The following NEK5 variants were observed in gnomAD, a reference collection of about 807,000 sequenced individuals.
NEK5 encodes NIMA related kinase 5.
A neutral mutation model predicts 109.2 loss-of-function variants in NEK5; 88 were observed. That is an observed-to-expected ratio of 0.81 (90% confidence interval 0.68 to 0.96). The LOEUF (loss-of-function observed/expected upper bound fraction) is 0.96, where lower values mean the gene tolerates loss of function less well. NEK5 is among the 40% of genes least tolerant of loss of function. The probability of loss-of-function intolerance (pLI) is 0.00; values close to 1 mark genes in which losing one functional copy is unlikely to be tolerated. For synonymous variants in NEK5, 283 were observed against 299.9 expected (o/e 0.94, Z 0.58); for missense variants, 834 against 920.7 (o/e 0.91, Z 1.22).
chr13:52,069,299 A>G (rs1954746631), intron 20 of NEK5, among the ~76,000 whole-genome samples: 1 of 152,112 alleles, frequency 6.6e-6, no homozygotes. Context: ...TGATGCTGCC[A>G]ATTCCTGTGC....
chr13:52,105,001 T>A (rs1955621812), intron 8 of NEK5, among the ~76,000 whole-genome samples: 1 of 152,232 alleles, frequency 6.6e-6, no homozygotes, highest in Non-Finnish European at 1.5e-5. Context: ...TGATTCTCAA[T>A]AAACATTTAA....
chr13:52,059,723 A>G (rs1358425491), intron 22 of NEK5, among the ~76,000 whole-genome samples: 1 of 151,688 alleles, frequency 6.6e-6, no homozygotes, highest in Non-Finnish European at 1.5e-5. Context: ...CAAACACCGC[A>G]TATTCTCACT....
chr13:52,079,724 CGTCTGGGAAGTGAGGAGCGT>C (rs1954942012), intron 17 of NEK5, among the ~76,000 whole-genome samples: 1 of 149,914 alleles, frequency 6.7e-6, no homozygotes, highest in African/African-American at 2.5e-5. Flanking sequence ...GCCGCCACCC[CGTCTGGGAAGTGAGGAGCGT>C]CTCTGCCCGG....
At chr13:52,116,765 A>G (rs1000813609) in intron 4 of NEK5, among the ~76,000 whole-genome samples, 5 of 152,224 alleles carry the variant, frequency 3.3e-5, no homozygotes, top group Non-Finnish European at 7.3e-5. Flanking sequence ...GTTTGCTGAT[A>G]TATCTCCAAG....
chr13:52,101,718 G>C (rs1006616755), intron 11 of NEK5, among the ~76,000 whole-genome samples: 1 of 152,152 alleles, frequency 6.6e-6, no homozygotes, highest in Non-Finnish European at 1.5e-5. Context: ...CCTGACTAAC[G>C]AGAAGGAACC....
chr13:52,083,350 C>T lies in NEK5; in HGVS notation c.1482G>A (p.Glu494=). 1 of 1,595,704 alleles carries T rather than the reference C, an allele frequency of 6.3e-7. No homozygotes were observed. Reference sequence around the variant, plus strand: ...AGGTTTTATGACTTATTTTTGAGTTCTCCTTTAACACAAATTATACACAGT... The same window carrying T: ...AGGTTTTATGACTTATTTTTGAGTTTTCCTTTAACACAAATTATACACAGT... ...IRKKMGREPE[E]NSKISHKTYL... The change falls in exon 17 of 24, where the codon GAG becomes GAA. Residue 494 remains glutamate (E), a splice_region_variant and synonymous_variant. Transcript: ENST00000684899.
In NEK5 at chr13:52,112,325, T is replaced by C. The variant is rs1296115041; in HGVS notation, c.255A>G (p.Gly85=). Residue 85 remains glycine, a synonymous_variant, in exon 5 of 24, where the codon GGA becomes GGG. Transcript: ENST00000684899. The part of the protein sequence containing the change: ...RLFIVMEYCD[G]GDLMKRINRQ... ...TATTGATCCTTTTCATGAGATCCCC[T>C]CCATCACAATATTCCATTACAATAA... is the stretch of plus-strand genomic sequence containing the variant. 2 of 1,610,570 alleles carry C rather than the reference T, an allele frequency of 1.2e-6. No homozygotes were observed. The highest frequency in any genetic ancestry group is 1.7e-6 in the Non-Finnish European group (2 of 1,176,906).
At chr13:52,077,032 G>A (rs1954882027) in intron 17 of NEK5, among the ~76,000 whole-genome samples, 1 of 152,220 alleles carries the variant, frequency 6.6e-6, no homozygotes. Context: ...GGGAGTGAGA[G>A]TAATACAGGC....
intron 17 of NEK5, chr13:52,082,258 T>G: frequency 2.1e-6 from 1 of 474,928 alleles, no homozygotes; most frequent in South Asian, 2.1e-5. Context: ...GAGGTTGCGG[T>G]GAGCCAAGAT....
At chr13:52,091,095 G>A (rs1955273660) in intron 13 of NEK5, among the ~76,000 whole-genome samples, 1 of 152,130 alleles carries the variant, frequency 6.6e-6, no homozygotes, top group Non-Finnish European at 1.5e-5. Flanking sequence ...AGAAAGCTGG[G>A]GATGAGGGAG....
At chr13:52,047,306 C>G (rs1404532863) in intron 23 of NEK5, among the ~76,000 whole-genome samples, 1 of 151,742 alleles carries the variant, frequency 6.6e-6, no homozygotes, top group East Asian at 1.9e-4. Context: ...AAAAAAAAAG[C>G]AAATTATAGG....
In NEK5 at chr13:52,125,876, T is replaced by C. The variant is rs145767212; in HGVS notation, c.117+1490A>G. On this transcript the variant is annotated intron_variant, in intron 3 of 23. Coordinates refer to ENST00000684899, the MANE Select transcript of NEK5 (RefSeq NM_001365552.1). ...CCACTAGAATAAGAGGACATTATTA[T>C]GAATATGCCATGGATTCACAAAAAG... 6.6e-5 allele frequency among the ~76,000 whole-genome samples: 10 copies of C among 152,308 alleles called. No individual in the cohort carries two copies. In the East Asian group the frequency reaches 1.7e-3, roughly 26 times the overall value.
intron 15 of NEK5, among the ~76,000 whole-genome samples, 160 bp from the exon 16 acceptor site, chr13:52,086,523 G>C (rs749406535): frequency 2.6e-5 from 4 of 152,200 alleles, no homozygotes; most frequent in Non-Finnish European, 5.9e-5. Flanking sequence ...TTTGGCTGCA[G>C]TACTTCACTC....
rs199529058 is a variant in NEK5 at position 52,089,234 on chromosome 13, G to A, written c.1275+13C>T. 72 of 1,502,870 alleles carry A rather than the reference G, an allele frequency of 4.8e-5. 1 individual carries two copies. Among genetic ancestry groups the A allele is most frequent in the Non-Finnish European group, 6.2e-5 (67 of 1,082,238 alleles). The allele number at this position is 1,502,870 out of a possible 1,614,324, so 93.1% of individuals were successfully genotyped here. A position where few individuals can be genotyped will look rare whatever the true frequency, so the allele number is the denominator to read the frequency against. On this transcript the variant is annotated intron_variant, in intron 14 of 23. Coordinates refer to ENST00000684899, the MANE Select transcript of NEK5 (RefSeq NM_001365552.1). ...AATTCCTAATTGCTTCCCATATTTGGTATTTTACTTACCAATTGCTTCTCC... is the reference window on the plus strand; with the variant it reads ...AATTCCTAATTGCTTCCCATATTTGATATTTTACTTACCAATTGCTTCTCC...
At chr13:52,080,889 TAA>T (rs61101943) in intron 17 of NEK5, among the ~76,000 whole-genome samples, 75,089 of 133,290 alleles carry the variant, frequency 0.56, 22,410 homozygotes, top group Non-Finnish European at 0.7. Flanking sequence ...AATGATCAAT[TAA>T]AAAAAAAAAA....
chr13:52,074,818 GA>G (rs1433433054), intron 19 of NEK5, among the ~76,000 whole-genome samples: 3 of 151,954 alleles, frequency 2.0e-5, no homozygotes, highest in African/African-American at 7.2e-5. Context: ...ACAAAAGATA[GA>G]AAGAGACACT....
intron 3 of NEK5, among the ~76,000 whole-genome samples, chr13:52,124,379 A>G (rs1956024476): frequency 6.6e-6 from 1 of 152,240 alleles, no homozygotes; most frequent in African/African-American, 2.4e-5. Context: ...GTAGGTATAC[A>G]TATATATGGA....
intron 15 of NEK5, 24 bp downstream of exon 15, chr13:52,087,313 GC>G (rs1310135308): frequency 9.0e-7 from 1 of 1,112,688 alleles, no homozygotes; most frequent in South Asian, 1.3e-5. Context: ...TACAAGGGTA[GC>G]CCTGGAATTA....
At position 52,076,072 on chromosome 13, in the gene NEK5, A is replaced by G. The variant is rs2137817664; in HGVS notation, c.1644T>C (p.Tyr548=). 1.9e-6 allele frequency: 3 copies of G among 1,587,554 alleles called. No individual in the cohort carries two copies. The highest frequency in any genetic ancestry group is 1.7e-6 in the Non-Finnish European group (2 of 1,160,334). Residue 548 remains tyrosine, a synonymous_variant, in exon 18 of 24, where the codon TAT becomes TAC. Coordinates refer to ENST00000684899, the MANE Select transcript of NEK5 (RefSeq NM_001365552.1). ...CAAAAGTATTTCTTACCTTAGCTTTATATTTCTGTTCTGGATTTTTACTTT... is the reference window on the plus strand; with the variant it reads ...CAAAAGTATTTCTTACCTTAGCTTTGTATTTCTGTTCTGGATTTTTACTTT... ...TKESKNPEQK[Y]KAKKGVKFEI... is the part of the protein sequence containing the mutation.
Sources: gnomAD v4.1 joint callset for allele counts (sites outside exome capture counted in the v4.1 genomes callset) on GRCh38, gnomAD v4.1.1 for gene constraint, MANE v1.5 for transcripts, NCBI Gene and HGNC (gene_info 2026-07-23, HGNC 2026-07-21) for gene names.